Variants in SSX2IP observed in about 807,000 individuals in gnomAD.
SSX2IP encodes afadin- and alpha-actinin-binding protein.
A neutral mutation model predicts 84.9 loss-of-function variants in SSX2IP; 55 were observed. The observed-to-expected ratio is 0.65, with a 90% CI of 0.52 to 0.81. The LOEUF is 0.81. Ranked by LOEUF, SSX2IP falls within the 30% of genes least tolerant of loss-of-function variation. The pLI, the probability that SSX2IP is intolerant of heterozygous loss-of-function variation, is 0.00. For missense variants in SSX2IP, 664 were observed against 705.2 expected (o/e 0.94, Z 0.66); for synonymous variants, 239 against 234.7 (o/e 1.02, Z -0.17).
chr1:84,682,998 T>C (rs1655296173), intron 1 of SSX2IP, among the ~76,000 whole-genome samples: 1 of 42,352 alleles, frequency 2.4e-5, no homozygotes, highest in Admixed American at 3.0e-4. Flanking sequence ...CCATTACAGA[T>C]AAGGAAACTG....
Position 84,670,843 on chromosome 1 carries a change from A to G in SSX2IP, c.44-28T>C, listed in dbSNP as rs755678114. On this transcript the variant is annotated intron_variant, in intron 2 of 13. Coordinates refer to ENST00000342203, the MANE Select transcript of SSX2IP (RefSeq NM_001166293.2). ...GAAAGAATAAAAGGCATCTATATAA[A>G]TAATTTAGAAAAACGTATGTAAAGC... The G allele has an allele frequency of 5.2e-6, 8 of 1,546,836 alleles. No homozygotes were observed. The Admixed American group carries it at 1.4e-4, about 26-fold the overall frequency.
At chr1:84,655,767 G>A in intron 11 of SSX2IP, 65 bp downstream of exon 11, 7 of 1,547,018 alleles carry the variant, frequency 4.5e-6, no homozygotes, top group Non-Finnish European at 6.1e-6. Flanking sequence ...GGAGACCTTA[G>A]AAGCATTCTA....
chr1:84,675,716 A>G (rs1654229960), intron 1 of SSX2IP, among the ~76,000 whole-genome samples: 1 of 152,142 alleles, frequency 6.6e-6, no homozygotes, highest in Non-Finnish European at 1.5e-5. Flanking sequence ...CCTATTATTT[A>G]CGTAAAAATG....
chr1:84,664,396 T>C, intron 6 of SSX2IP, 21 bp downstream of exon 6: 1 of 1,564,486 alleles, frequency 6.4e-7, no homozygotes, highest in Admixed American at 2.0e-5. Context: ...TTCTCTTAGC[T>C]GATCTTTGCC....
At chr1:84,674,633 A>C (rs1654060200) in intron 1 of SSX2IP, among the ~76,000 whole-genome samples, 1 of 152,162 alleles carries the variant, frequency 6.6e-6, no homozygotes, top group South Asian at 2.1e-4. Context: ...TTAAAACTGT[A>C]AGTCAGTTAT....
rs117542348 is a variant in SSX2IP, at chr1:84,653,750, C to T, written c.1390-1753G>A. ...ATTCATAAATATTGATACAGAATCA[C>T]GCATCACCAAACATTGAGAAAACTA... is the stretch of plus-strand genomic sequence containing the variant. On this transcript the variant is annotated intron_variant, in intron 11 of 13. Coordinates refer to ENST00000342203, the MANE Select transcript of SSX2IP (RefSeq NM_001166293.2). Among the ~76,000 whole-genome samples the T allele has an allele frequency of 3.4e-4, 51 of 152,120 alleles. No individual in the cohort carries two copies. In the East Asian group the frequency reaches 8.1e-3, roughly 24 times the overall value.
At chr1:84,669,463 T>G (rs963173415) in intron 4 of SSX2IP, among the ~76,000 whole-genome samples, 4 of 152,172 alleles carry the variant, frequency 2.6e-5, no homozygotes, top group African/African-American at 9.7e-5. Flanking sequence ...TTTTACAGAT[T>G]CGGCAAGTCA....
chr1:84,687,606 C>A (rs975529137), intron 1 of SSX2IP, among the ~76,000 whole-genome samples: 2 of 152,162 alleles, frequency 1.3e-5, no homozygotes, highest in African/African-American at 4.8e-5. Flanking sequence ...AGGGCTTCAG[C>A]AAAATATACT....
chr1:84,652,051 G>C (rs1174211370), intron 11 of SSX2IP, 54 bp from the exon 12 acceptor site: 1 of 1,310,460 alleles, frequency 7.6e-7, no homozygotes, highest in Admixed American at 1.7e-5. Context: ...CCACACAGTT[G>C]CCATTTCACA....
intron 4 of SSX2IP, among the ~76,000 whole-genome samples, chr1:84,666,987 G>C (rs185871277): frequency 2.0e-5 from 3 of 152,230 alleles, no homozygotes; most frequent in Non-Finnish European, 4.4e-5. Flanking sequence ...TGTAAGAACA[G>C]ATCTCAAGAA....
At chr1:84,662,584 A>G in intron 6 of SSX2IP, 54 bp from the exon 7 acceptor site, 1 of 1,582,164 alleles carries the variant, frequency 6.3e-7, no homozygotes, top group Non-Finnish European at 8.7e-7. Flanking sequence ...TAAGCATCTA[A>G]AACTCTAATG....
intron 1 of SSX2IP, among the ~76,000 whole-genome samples, chr1:84,673,024 AG>A (rs1211531510): frequency 6.6e-6 from 1 of 152,208 alleles, no homozygotes; most frequent in Non-Finnish European, 1.5e-5. Flanking sequence ...CATCTCAAAA[AG>A]AAAAAAGAAA....
rs764151264 is a variant in SSX2IP at position 84,662,528 on chromosome 1, T to C, written c.676A>G (p.Met226Val). The C allele has an allele frequency of 6.2e-6, 10 of 1,613,872 alleles. No individual in the cohort carries two copies. In the East Asian group the frequency reaches 1.8e-4, roughly 29 times the overall value. The change falls in exon 7 of 14, where the codon ATG becomes GTG. Residue 226 changes from methionine (M) to valine (V), a missense_variant and splice_region_variant. Met to Val is a conservative substitution (Grantham distance 21). Coordinates refer to ENST00000342203, the MANE Select transcript of SSX2IP (RefSeq NM_001166293.2). ...VMNKKDKKIAMDILNYVGRAD... is the reference protein window; with the variant it reads ...VMNKKDKKIAVDILNYVGRAD... The stretch of plus-strand genomic sequence containing the variant: ...CTCCCGACATAATTCAAAATGTCCA[T>C]AGCTACAAACATGAACACATAAAAT...
In SSX2IP at chr1:84,683,802, A is replaced by G. The variant is rs551396622; in HGVS notation, c.-90+6569T>C. 2.0e-5 allele frequency among the ~76,000 whole-genome samples: 3 copies of G among 152,338 alleles called. No homozygotes were observed. In the East Asian group the frequency reaches 5.8e-4, roughly 29 times the overall value. Reference sequence around the variant, plus strand: ...AATCTTGATTGGTAACAGCTCAGAGAAGGAGAAAGGTGATTCAGGGTATGA... The same window carrying G: ...AATCTTGATTGGTAACAGCTCAGAGGAGGAGAAAGGTGATTCAGGGTATGA... On this transcript the variant is annotated intron_variant, in intron 1 of 13. Coordinates refer to ENST00000342203, the MANE Select transcript of SSX2IP (RefSeq NM_001166293.2).
intron 11 of SSX2IP, 54 bp downstream of exon 11, chr1:84,655,778 C>G: frequency 6.3e-7 from 1 of 1,576,426 alleles, no homozygotes; most frequent in African/African-American, 1.4e-5. Context: ...AAGCATTCTA[C>G]TGAGGCCCAC....
chr1:84,654,109 C>A (rs188507134), intron 11 of SSX2IP, among the ~76,000 whole-genome samples: 9 of 151,944 alleles, frequency 5.9e-5, no homozygotes, highest in African/African-American at 1.9e-4. Context: ...AAATGTGTGT[C>A]TAACAAAAGT....
At chr1:84,665,002 A>C (rs993211488) in intron 5 of SSX2IP, among the ~76,000 whole-genome samples, 2 of 152,184 alleles carry the variant, frequency 1.3e-5, no homozygotes, top group African/African-American at 2.4e-5. Context: ...CTAATTAAAA[A>C]CAATTCTCGA....
intron 1 of SSX2IP, among the ~76,000 whole-genome samples, chr1:84,672,605 C>G (rs1375998960): frequency 2.0e-5 from 3 of 152,124 alleles, no homozygotes; most frequent in Non-Finnish European, 2.9e-5. Flanking sequence ...ATACCTCAAA[C>G]AACAGCACTA....
chr1:84,679,025 A>G (rs566028676), intron 1 of SSX2IP, among the ~76,000 whole-genome samples: 3 of 152,374 alleles, frequency 2.0e-5, no homozygotes, highest in Non-Finnish European at 4.4e-5. Context: ...GTCTTTGCTA[A>G]AATCTCACAA....
Sources: allele counts gnomAD v4.1 joint callset (sites outside exome capture counted in the v4.1 genomes callset), GRCh38; gene constraint gnomAD v4.1.1; transcripts MANE v1.5; gene names NCBI Gene and HGNC (gene_info 2026-07-23, HGNC 2026-07-21).